The following IRAG1 variants were observed in gnomAD, a reference collection of about 807,000 sequenced individuals.
IRAG1 encodes inositol 1,4,5-triphosphate receptor associated 1.
In IRAG1, 62 loss-of-function variants were observed where a neutral mutation model predicts 106.2. The ratio of observed to expected loss-of-function variants is 0.58; its 90% CI spans 0.48 to 0.72. The LOEUF (loss-of-function observed/expected upper bound fraction) is 0.72, where lower values mean the gene tolerates loss of function less well. Ranked by LOEUF, IRAG1 falls within the 30% of genes least tolerant of loss-of-function variation. The pLI is 0.00. For missense variants in IRAG1, 1,064 were observed against 1,140.7 expected (o/e 0.93, Z 0.97); for synonymous variants, 462 against 443.9 (o/e 1.04, Z -0.51).
chr11:10,690,123 G>C (rs1320347449), intron 1 of IRAG1: 1 of 221,316 alleles, frequency 4.5e-6, no homozygotes, highest in African/African-American at 2.4e-5. Flanking sequence ...GGGTGCGATG[G>C]CTCACGCCTA....
At chr11:10,576,955 T>G (rs976668034) in intron 20 of IRAG1, among the ~76,000 whole-genome samples, 2 of 152,186 alleles carry the variant, frequency 1.3e-5, no homozygotes, top group African/African-American at 2.4e-5. Flanking sequence ...GGGTACAGGA[T>G]TGGTTGGCCA....
At chr11:10,604,311 CTA>C (rs1395456877) in intron 13 of IRAG1, 92 bp downstream of exon 13, 2 of 1,498,826 alleles carry the variant, frequency 1.3e-6, no homozygotes, top group African/African-American at 2.8e-5. Context: ...CTTCAGGAGA[CTA>C]TACTTGGTAC....
At chr11:10,608,949 C>A (rs148973459) in intron 11 of IRAG1, among the ~76,000 whole-genome samples, 22 of 152,260 alleles carry the variant, frequency 1.4e-4, no homozygotes, top group African/African-American at 4.8e-4. Flanking sequence ...TTATAGTGTT[C>A]TCTCTGACAT....
chr11:10,607,807 A>G (rs1263948718), intron 11 of IRAG1, among the ~76,000 whole-genome samples: 1 of 152,158 alleles, frequency 6.6e-6, no homozygotes, highest in Non-Finnish European at 1.5e-5. Flanking sequence ...TCCTGTCAGG[A>G]TGAGAAGACC....
chr11:10,662,471 T>C (rs916977813), intron 1 of IRAG1, among the ~76,000 whole-genome samples: 1 of 152,240 alleles, frequency 6.6e-6, no homozygotes, highest in African/African-American at 2.4e-5. Flanking sequence ...TCTGACACCT[T>C]CATGCTTCTG....
intron 3 of IRAG1, among the ~76,000 whole-genome samples, chr11:10,632,474 C>T (rs1451135977): frequency 6.6e-6 from 1 of 152,132 alleles, no homozygotes; most frequent in Non-Finnish European, 1.5e-5. Flanking sequence ...GTATGAGCCA[C>T]TGTGCCCAGC....
chr11:10,600,840 G>C (rs919518032), intron 15 of IRAG1, 78 bp downstream of exon 15: 3 of 1,567,966 alleles, frequency 1.9e-6, no homozygotes, highest in African/African-American at 2.7e-5. Flanking sequence ...GGGCTGTTCT[G>C]ACAGCTCTAA....
chr11:10,645,309 C>T (rs1857856730), intron 2 of IRAG1, among the ~76,000 whole-genome samples: 2 of 152,144 alleles, frequency 1.3e-5, no homozygotes, highest in Non-Finnish European at 2.9e-5. Flanking sequence ...TTAATTATAG[C>T]CCATTTCCTC....
chr11:10,575,013 C>T lies in IRAG1; in HGVS notation c.*1319G>A, dbSNP rs777098025. 2.0e-5 allele frequency: 3 copies of T among 152,020 alleles called. No homozygotes were observed. Among genetic ancestry groups the T allele is most frequent in the African/African-American group, 4.8e-5 (2 of 41,356 alleles). 9.4% of individuals were successfully genotyped at this position (152,020 alleles called of 1,614,324 possible). ...ATGTAATACTGAGAACAGTGCTTGGCTCATAGTAAGTCGTATATGAGTTTT... is the reference window on the plus strand; with the variant it reads ...ATGTAATACTGAGAACAGTGCTTGGTTCATAGTAAGTCGTATATGAGTTTT... On this transcript the variant is annotated 3_prime_UTR_variant, in exon 21 of 21. Transcript: ENST00000423302.
chr11:10,624,299 T>G (rs1591628496), intron 9 of IRAG1, among the ~76,000 whole-genome samples: 1 of 152,162 alleles, frequency 6.6e-6, no homozygotes, highest in Admixed American at 6.5e-5. Context: ...TGCCCTGTCA[T>G]TCCGGGCAGT....
chr11:10,591,539 C>T lies in IRAG1; in HGVS notation c.2240+9G>A. 4 of 1,587,460 alleles carry T rather than the reference C, an allele frequency of 2.5e-6. No homozygotes were observed. Among genetic ancestry groups the T allele is most frequent in the Non-Finnish European group, 3.4e-6 (4 of 1,166,578 alleles). On this transcript the variant is annotated intron_variant, in intron 18 of 20. Transcript: ENST00000423302. ...TCCCTGAAGCCAAGAGGAAAATCGA[C>T]AAACTTACTTTTCCAAAAGTGCAGG...
At chr11:10,589,283 A>C (rs1852374867) in intron 18 of IRAG1, 1 of 152,184 alleles carries the variant, frequency 6.6e-6, no homozygotes, top group African/African-American at 2.4e-5. Context: ...ACTATAACAC[A>C]TTATTTCTCT....
At chr11:10,674,600 A>T (rs141601403) in intron 1 of IRAG1, among the ~76,000 whole-genome samples, 2 of 152,266 alleles carry the variant, frequency 1.3e-5, no homozygotes, top group Non-Finnish European at 2.9e-5. Flanking sequence ...TTCCCAGAAC[A>T]CATTTTGTTC....
At chr11:10,629,484 C>T (rs1856524482) in intron 5 of IRAG1, 54 bp downstream of exon 5, 2 of 1,566,414 alleles carry the variant, frequency 1.3e-6, no homozygotes, top group African/African-American at 1.4e-5. Context: ...CAGGCCCTTC[C>T]CTCCCGACCC....
chr11:10,681,980 G>A (rs989734567), intron 1 of IRAG1, among the ~76,000 whole-genome samples: 2 of 152,104 alleles, frequency 1.3e-5, no homozygotes, highest in Non-Finnish European at 2.9e-5. Flanking sequence ...GTTTCTATCT[G>A]TTGATGGGCT....
intron 10 of IRAG1, among the ~76,000 whole-genome samples, chr11:10,612,047 A>G (rs1855008478): frequency 6.6e-6 from 1 of 152,212 alleles, no homozygotes; most frequent in Admixed American, 6.5e-5. Flanking sequence ...CTAACGGTAA[A>G]GTAAATAAAA....
chr11:10,589,017 A>G (rs1049390776), intron 18 of IRAG1: 2 of 152,288 alleles, frequency 1.3e-5, no homozygotes, highest in Admixed American at 1.3e-4. Context: ...TTAAGTCTAC[A>G]GGTTTCTAGG....
Position 10,573,428 on chromosome 11 carries a change from C to T in IRAG1, c.*2904G>A, listed in dbSNP as rs1322040153. 6.6e-6 allele frequency: 1 copy of T among 152,282 alleles called. No individual in the cohort carries two copies. The highest frequency in any genetic ancestry group is 1.5e-5 in the Non-Finnish European group (1 of 68,098). 9.4% of individuals were successfully genotyped at this position (152,282 alleles called of 1,614,324 possible). On this transcript the variant is annotated 3_prime_UTR_variant, in exon 21 of 21. Coordinates refer to ENST00000423302, the MANE Select transcript of IRAG1 (RefSeq NM_130385.4). ...GGGACTCTTCAGATCCACATCCTCA[C>T]TGAAAATCCAGGGCCTGTTTCTCTC...
chr11:10,602,673 A>C (rs796079658), intron 14 of IRAG1, among the ~76,000 whole-genome samples: 32 of 152,344 alleles, frequency 2.1e-4, no homozygotes, highest in African/African-American at 7.5e-4. Flanking sequence ...GAGACAAAGC[A>C]GGTTTTCCTA....
Sources: gnomAD v4.1 joint callset for allele counts (sites outside exome capture counted in the v4.1 genomes callset) on GRCh38, gnomAD v4.1.1 for gene constraint, MANE v1.5 for transcripts, NCBI Gene and HGNC (gene_info 2026-07-23, HGNC 2026-07-21) for gene names.